TWF1: variants seen among roughly 807,000 people sequenced by gnomAD.
TWF1 encodes the protein twinfilin-1.
TWF1 carries 14 observed loss-of-function variants against 47.9 expected under a neutral mutation model. That is an observed-to-expected ratio of 0.29 (90% confidence interval 0.19 to 0.46). The LOEUF (loss-of-function observed/expected upper bound fraction) is 0.46. Among genes scored for constraint, TWF1 ranks in the 20% least tolerant of loss-of-function variants. The pLI, the probability that TWF1 is intolerant of heterozygous loss-of-function variation, is 1.00. For synonymous variants in TWF1, 96 were observed against 139.2 expected (o/e 0.69, Z 2.18); for missense variants, 281 against 409.3 (o/e 0.69, Z 2.70).
intron 2 of TWF1, among the ~76,000 whole-genome samples, chr12:43,803,330 G>A (rs1307281009): frequency 6.6e-6 from 1 of 152,106 alleles, no homozygotes; most frequent in Non-Finnish European, 1.5e-5. Flanking sequence ...CCCAATTGTA[G>A]TTGCCCCAGG....
chr12:43,805,991 T>C (rs758608737), intron 1 of TWF1: 1 of 1,533,572 alleles, frequency 6.5e-7, no homozygotes, highest in Non-Finnish European at 8.8e-7. Flanking sequence ...CTCCCCCGAA[T>C]TTCGGATCAA....
intron 5 of TWF1, 121 bp downstream of exon 5, chr12:43,799,277 C>T (rs915475122): frequency 1.8e-5 from 10 of 570,496 alleles, no homozygotes; most frequent in African/African-American, 3.8e-5. Flanking sequence ...CTAAACTAAA[C>T]GGAATAAACC....
chr12:43,797,938 A>T, intron 5 of TWF1, 105 bp from the exon 6 acceptor site: 2 of 1,166,318 alleles, frequency 1.7e-6, no homozygotes, highest in South Asian at 1.7e-5. Flanking sequence ...ACCCTAGCCC[A>T]ACCTATAATT....
chr12:43,801,305 T>C (rs1010413035), intron 3 of TWF1, among the ~76,000 whole-genome samples: 3 of 152,194 alleles, frequency 2.0e-5, no homozygotes, highest in Admixed American at 6.5e-5. Flanking sequence ...CTAGTATCTA[T>C]GGAAAGCTAC....
chr12:43,806,089 G>A lies in TWF1; in HGVS notation c.25+132C>T, dbSNP rs553791553. 18 of 1,519,156 alleles carry A rather than the reference G, an allele frequency of 1.2e-5. No homozygotes were observed. In the African/African-American group the frequency reaches 2.5e-4, roughly 21 times the overall value. The allele number at this position is 1,519,156 out of a possible 1,614,324, so 94.1% of individuals were successfully genotyped here. On this transcript the variant is annotated intron_variant, in intron 1 of 8. Coordinates refer to ENST00000395510, the MANE Select transcript of TWF1 (RefSeq NM_002822.5). ...AGCAGGAGCGCGGAGAGGCGCCGAG[G>A]CCCGGCTCGCCCCGCGAGACCGACT...
intron 1 of TWF1, chr12:43,805,495 T>C: frequency 2.2e-6 from 1 of 455,288 alleles, no homozygotes. Flanking sequence ...CCCGGGGATA[T>C]ATTATTTGAC....
chr12:43,795,500 A>G lies in TWF1; in HGVS notation c.*85T>C. The G allele has an allele frequency of 7.4e-7, 1 of 1,357,522 alleles. No individual in the cohort carries two copies. The highest frequency in any genetic ancestry group is 1.0e-6 in the Non-Finnish European group (1 of 999,616). 84.1% of individuals were successfully genotyped at this position (1,357,522 alleles called of 1,614,324 possible). A position where few individuals can be genotyped will look rare whatever the true frequency, so the allele number is the denominator to read the frequency against. On this transcript the variant is annotated 3_prime_UTR_variant, in exon 9 of 9. Coordinates refer to ENST00000395510, the MANE Select transcript of TWF1 (RefSeq NM_002822.5). ...AAAGTACAATTTTTTTCCCTACTTTATATCAACATGGAATGATTTCAGTTC... is the reference window on the plus strand; with the variant it reads ...AAAGTACAATTTTTTTCCCTACTTTGTATCAACATGGAATGATTTCAGTTC...
chr12:43,804,808 T>G (rs1942727470), intron 1 of TWF1, among the ~76,000 whole-genome samples: 1 of 152,250 alleles, frequency 6.6e-6, no homozygotes, highest in Non-Finnish European at 1.5e-5. Context: ...GCTACATAAT[T>G]CTGTGCAGAA....
chr12:43,793,865 T>C lies in TWF1; in HGVS notation c.*1720A>G, dbSNP rs567569462. 5 of 152,778 alleles carry C rather than the reference T, an allele frequency of 3.3e-5. No homozygotes were observed. The highest frequency in any genetic ancestry group is 4.1e-4 in the South Asian group (2 of 4,830). The allele number at this position is 152,778 out of a possible 1,614,324, so 9.5% of individuals were successfully genotyped here. A position where few individuals can be genotyped will look rare whatever the true frequency, so the allele number is the denominator to read the frequency against. On this transcript the variant is annotated 3_prime_UTR_variant, in exon 9 of 9. Coordinates refer to ENST00000395510, the MANE Select transcript of TWF1 (RefSeq NM_002822.5). ...TATGATACTGCCAACTAAAACATACTGTAAACGATGAGTTATACTCTATAA... is the reference window on the plus strand; with the variant it reads ...TATGATACTGCCAACTAAAACATACCGTAAACGATGAGTTATACTCTATAA...
At chr12:43,799,650 T>C (rs552621066) in intron 4 of TWF1, 148 bp from the exon 5 acceptor site, 3 of 513,740 alleles carry the variant, frequency 5.8e-6, no homozygotes, top group Admixed American at 7.5e-5. Flanking sequence ...TACTTTTCTT[T>C]AATCCTCAAT....
At position 43,795,026 on chromosome 12, in the gene TWF1, T is replaced by A. The variant is rs1942524805; in HGVS notation, c.*559A>T. The A allele has an allele frequency of 6.6e-6, 1 of 152,000 alleles. No individual in the cohort carries two copies. The highest frequency in any genetic ancestry group is 6.6e-5 in the Admixed American group (1 of 15,242). The allele number at this position is 152,000 out of a possible 1,614,324, so 9.4% of individuals were successfully genotyped here. A position where few individuals can be genotyped will look rare whatever the true frequency, so the allele number is the denominator to read the frequency against. On this transcript the variant is annotated 3_prime_UTR_variant, in exon 9 of 9. Transcript: ENST00000395510. ...AGCTGATCTGCAATTTTAATGCTAT[T>A]AAAAAAAAGTCAAATATAAAAGACT...
Position 43,803,071 on chromosome 12 carries a change from T to TTA in TWF1, c.104-608_104-607insTA, listed in dbSNP as rs550351711. Reference sequence around the variant, plus strand: ...AGGTGTTCACTGCAGCACTATACAGTAACAGTGAAGTTATAGCCTCAATGT... The same window carrying TTA: ...AGGTGTTCACTGCAGCACTATACAGTTAAACAGTGAAGTTATAGCCTCAATGT... On this transcript the variant is annotated intron_variant, in intron 2 of 8. Transcript: ENST00000395510. 2.0e-3 allele frequency among the ~76,000 whole-genome samples: 297 copies of TTA among 152,286 alleles called. 3 individuals carry two copies. The highest frequency in any genetic ancestry group is 0.01 in the Middle Eastern group (3 of 294).
chr12:43,800,612 T>G (rs1461055494), intron 3 of TWF1, 82 bp from the exon 4 acceptor site: 8 of 1,078,624 alleles, frequency 7.4e-6, no homozygotes, highest in African/African-American at 1.6e-5. Flanking sequence ...TATATTAATA[T>G]CCTGAATCAC....
At chr12:43,801,017 T>G (rs1346669009) in intron 3 of TWF1, among the ~76,000 whole-genome samples, 1 of 152,092 alleles carries the variant, frequency 6.6e-6, no homozygotes, top group East Asian at 1.9e-4. Context: ...TTCCCAAAGT[T>G]TAGGGATTAC....
intron 5 of TWF1, among the ~76,000 whole-genome samples, chr12:43,798,123 C>A (rs771191991): frequency 4.6e-5 from 7 of 152,048 alleles, no homozygotes; most frequent in Non-Finnish European, 7.4e-5. Context: ...AGAGTGTCAT[C>A]AGATTACACC....
chr12:43,799,464 C>T lies in TWF1; in HGVS notation c.417G>A (p.Leu139=). 1.2e-5 allele frequency: 20 copies of T among 1,609,710 alleles called. No individual in the cohort carries two copies. The highest frequency in any genetic ancestry group is 1.7e-5 in the Non-Finnish European group (20 of 1,177,618). The change falls in exon 5 of 9, where the codon CTG becomes CTA. Residue 139 remains leucine (L), a synonymous_variant. Transcript: ENST00000395510. ...TCAGTGGGGCAGGGGAAGATTGTGA[C>T]AGCAAGTATTTTTTATATCCATGTA... is the stretch of plus-strand genomic sequence containing the variant. ...VSLHGYKKYL[L]SQSSPAPLTA...
chr12:43,805,109 T>G (rs1302290932), intron 1 of TWF1, among the ~76,000 whole-genome samples: 5 of 152,250 alleles, frequency 3.3e-5, no homozygotes, highest in Non-Finnish European at 4.4e-5. Context: ...AAAGCTAGAT[T>G]AAACTCATTG....
intron 5 of TWF1, chr12:43,798,442 T>C: frequency 1.2e-6 from 1 of 866,178 alleles, no homozygotes; most frequent in South Asian, 2.0e-5. Flanking sequence ...GTAGAGAGTC[T>C]CATTCGCAGT....
rs116139390 is a variant in TWF1 at position 43,795,766 on chromosome 12, T to A, written c.883-11A>T. The A allele has an allele frequency of 3.2e-4, 517 of 1,611,504 alleles. 1 individual carries two copies. In the African/African-American group the frequency reaches 5.5e-3, roughly 17 times the overall value. On this transcript the variant is annotated splice_polypyrimidine_tract_variant and intron_variant, in intron 8 of 8. Coordinates refer to ENST00000395510, the MANE Select transcript of TWF1 (RefSeq NM_002822.5). ...ATTGTCTATCTCGATCTGTAAAAGA[T>A]AAAATTAGAAGCACAACATTCAAAA...
Sources: allele counts gnomAD v4.1 joint callset (sites outside exome capture counted in the v4.1 genomes callset), GRCh38; gene constraint gnomAD v4.1.1; transcripts MANE v1.5; gene names NCBI Gene and HGNC (gene_info 2026-07-23, HGNC 2026-07-21).